Variants in GPHN observed in about 807,000 individuals in gnomAD.
GPHN encodes gephyrin.
Under a neutral mutation model 95.5 loss-of-function variants are expected in GPHN, and 17 were observed. The observed-to-expected ratio is 0.18, with a 90% CI of 0.12 to 0.27. The LOEUF is 0.27. GPHN is among the 10% of genes least tolerant of loss of function. The pLI is 1.00. For missense variants in GPHN, 660 were observed against 978.1 expected, an observed-to-expected ratio of 0.67 and a Z score of 4.34; for synonymous variants, 320 against 322.5, an observed-to-expected ratio of 0.99 and a Z score of 0.08.
chr14:67,517,388 C>G, the GPHN span, among the ~76,000 whole-genome samples: 1 of 151,788 alleles, frequency 6.6e-6, no homozygotes, highest in African/African-American at 2.4e-5. Context: ...GCACGGTAGG[C>G]GCCGGGCTCA....
intron 10 of GPHN, among the ~76,000 whole-genome samples, chr14:67,049,545 G>A (rs1358278780): frequency 7.0e-6 from 1 of 143,828 alleles, no homozygotes; most frequent in Non-Finnish European, 1.5e-5. Context: ...ACAGAGTCTC[G>A]CTCTGTTGCC....
At chr14:66,904,246 C>G (rs2065259518) in intron 5 of GPHN, among the ~76,000 whole-genome samples, 1 of 152,052 alleles carries the variant, frequency 6.6e-6, no homozygotes. Context: ...AAACCTTCCA[C>G]AGGGTGGAAG....
At chr14:66,864,502 G>T (rs1321898622) in intron 4 of GPHN, among the ~76,000 whole-genome samples, 2 of 152,184 alleles carry the variant, frequency 1.3e-5, no homozygotes, top group African/African-American at 4.8e-5. Context: ...GCCAGGTGCG[G>T]TGGCTCATGC....
At chr14:67,100,615 C>T (rs1393385789) in intron 12 of GPHN, among the ~76,000 whole-genome samples, 1 of 152,162 alleles carries the variant, frequency 6.6e-6, no homozygotes, top group Non-Finnish European at 1.5e-5. Context: ...GACACCATGG[C>T]ACAATTAGGC....
chr14:67,314,267 A>G, the GPHN span, among the ~76,000 whole-genome samples: 2 of 152,214 alleles, frequency 1.3e-5, no homozygotes, highest in African/African-American at 4.8e-5. Flanking sequence ...AAGTTGTCCA[A>G]AGATTTTAGA....
At chr14:67,319,558 T>C in the GPHN span, among the ~76,000 whole-genome samples, 1 of 147,086 alleles carries the variant, frequency 6.8e-6, no homozygotes, top group African/African-American at 2.5e-5. Context: ...AGAAGAAGAA[T>C]AGTCTGGGGC....
At chr14:66,562,907 CT>C (rs1036363237) in intron 1 of GPHN, among the ~76,000 whole-genome samples, 2 of 151,628 alleles carry the variant, frequency 1.3e-5, no homozygotes, top group Non-Finnish European at 2.9e-5. Context: ...GCAAACTTGC[CT>C]TTTCTTAATT....
the GPHN span, among the ~76,000 whole-genome samples, chr14:67,356,422 AAAAAAC>A: frequency 1.5e-5 from 2 of 132,328 alleles, no homozygotes; most frequent in Non-Finnish European, 3.0e-5. Flanking sequence ...ACCTGCCTCA[AAAAAAC>A]AAAAACAAAA....
chr14:67,585,615 G>A, the GPHN span: 2 of 1,583,652 alleles, frequency 1.3e-6, no homozygotes, highest in Non-Finnish European at 1.7e-6. Context: ...GGATTGCTGT[G>A]AATGAGGATG....
chr14:67,248,112 G>A, the GPHN span, among the ~76,000 whole-genome samples: 1 of 152,072 alleles, frequency 6.6e-6, no homozygotes, highest in Non-Finnish European at 1.5e-5. Flanking sequence ...TTAATATGGT[G>A]AATTACACTG....
chr14:67,576,041 G>A, the GPHN span: 1 of 1,509,198 alleles, frequency 6.6e-7, no homozygotes. This position sits in a 1 kb window ranked among gnomAD's most constrained non-coding sequence, Gnocchi z 4.0. Flanking sequence ...GGCCAAGCTT[G>A]GACCTGTGAT....
At chr14:66,742,539 C>T (rs533000825) in intron 2 of GPHN, among the ~76,000 whole-genome samples, 18 of 152,190 alleles carry the variant, frequency 1.2e-4, no homozygotes, top group African/African-American at 4.3e-4. Flanking sequence ...ATCCCACCCC[C>T]ATAGTAGAAT....
intron 11 of GPHN, among the ~76,000 whole-genome samples, chr14:67,072,732 C>T (rs1439236337): frequency 2.6e-5 from 4 of 151,744 alleles, no homozygotes; most frequent in East Asian, 1.9e-4. Flanking sequence ...TCTAAAATCT[C>T]GTTTTCAGTT....
At position 67,171,532 on chromosome 14, in the gene GPHN, A is replaced by G. The variant is rs114293194; in HGVS notation, c.2079+2496A>G. ...ACCCTTGTTCTCAGCTTTTTTCGCT[A>G]GAAACATACCTGGAGTAACTCCCAT... On this transcript the variant is annotated intron_variant, in intron 21 of 22. Transcript: ENST00000478722. 7.1e-3 allele frequency among the ~76,000 whole-genome samples: 1,081 copies of G among 152,210 alleles called. 5 individuals carry two copies. The highest frequency in any genetic ancestry group is 0.025 in the African/African-American group (1,032 of 41,520).
chr14:67,590,046 T>C, the GPHN span: 1 of 1,541,406 alleles, frequency 6.5e-7, no homozygotes, highest in Non-Finnish European at 8.7e-7. Flanking sequence ...TCATCTCCCA[T>C]GGAAGACAAT....
chr14:67,257,552 G>A, the GPHN span, among the ~76,000 whole-genome samples: 4 of 151,746 alleles, frequency 2.6e-5, no homozygotes, highest in Non-Finnish European at 5.9e-5. Context: ...TGTACTATGA[G>A]AGACAGCTAA....
chr14:66,511,909 G>A (rs1354021271), intron 1 of GPHN, among the ~76,000 whole-genome samples: 2 of 151,932 alleles, frequency 1.3e-5, no homozygotes, highest in Admixed American at 1.3e-4. Flanking sequence ...AACATTTTAT[G>A]TTGAATATTA....
the GPHN span, among the ~76,000 whole-genome samples, chr14:67,341,512 G>A: frequency 6.6e-6 from 1 of 150,444 alleles, no homozygotes; most frequent in African/African-American, 2.5e-5. Flanking sequence ...GGAGGGAGGT[G>A]GGGGGGGTCA....
chr14:67,410,519 T>G, the GPHN span, among the ~76,000 whole-genome samples: 1 of 152,190 alleles, frequency 6.6e-6, no homozygotes, highest in African/African-American at 2.4e-5. Context: ...CAAGTGGGCG[T>G]GGCGCTTTGT....
Sources: gnomAD v4.1 joint callset for allele counts (sites outside exome capture counted in the v4.1 genomes callset) on GRCh38, gnomAD v4.1.1 for gene constraint, Gnocchi (gnomAD v3.1) non-coding constraint, MANE v1.5 for transcripts, NCBI Gene and HGNC (gene_info 2026-07-23, HGNC 2026-07-21) for gene names.